SLC16A1: variants seen among roughly 807,000 people sequenced by gnomAD.
SLC16A1 encodes monocarboxylate transporter 1.
SLC16A1 carries 11 observed loss-of-function variants against 32.2 expected under a neutral mutation model. That is an observed-to-expected ratio of 0.34 (90% CI 0.21 to 0.56). SLC16A1 has a LOEUF of 0.56. SLC16A1 is among the 20% of genes least tolerant of loss of function. The probability of loss-of-function intolerance (pLI) is 0.87; values close to 1 mark genes in which losing one functional copy is unlikely to be tolerated. For synonymous variants in SLC16A1, 231 were observed against 226.8 expected, an observed-to-expected ratio of 1.02 and a Z score of -0.17; for missense variants, 435 against 615.0, an observed-to-expected ratio of 0.71 and a Z score of 3.10.
chr1:112,924,026 T>C, intron 2 of SLC16A1: 1 of 1,316,372 alleles, frequency 7.6e-7, no homozygotes, highest in Non-Finnish European at 1.1e-6. Flanking sequence ...TCTTTGGGAC[T>C]CAATGGGCAG....
Position 112,914,146 on chromosome 1 carries a change from A to G in SLC16A1, c.1248T>C (p.Tyr416=), listed in dbSNP as rs770803721. ...CCCAGTATGTGTATTTGTAGTCTCC[A>G]TACATGTCATTGAGCCGACCTAAAT... is the stretch of plus-strand genomic sequence containing the variant. The part of the protein sequence containing the change: ...PPLLGRLNDM[Y]GDYKYTYWAC... Residue 416 remains tyrosine, a synonymous_variant, in exon 5 of 5, where the codon TAT becomes TAC. Coordinates refer to ENST00000369626, the MANE Select transcript of SLC16A1 (RefSeq NM_003051.4). 2 of 1,614,210 alleles carry G rather than the reference A, an allele frequency of 1.2e-6. No individual in the cohort carries two copies. Among genetic ancestry groups the G allele is most frequent in the Non-Finnish European group, 8.5e-7 (1 of 1,180,030 alleles).
intron 1 of SLC16A1, among the ~76,000 whole-genome samples, chr1:112,938,722 T>A (rs766249093): frequency 6.6e-6 from 1 of 152,210 alleles, no homozygotes; most frequent in Non-Finnish European, 1.5e-5. Flanking sequence ...AGAAGGATTT[T>A]AGGCCTATCT....
intron 1 of SLC16A1, among the ~76,000 whole-genome samples, chr1:112,954,096 T>C (rs17030816): frequency 0.012 from 1,898 of 152,308 alleles, 39 homozygotes; most frequent in African/African-American, 0.044. Context: ...CACAACAATC[T>C]GGACTGTTTT....
At chr1:112,939,365 G>C (rs1390243790) in intron 1 of SLC16A1, among the ~76,000 whole-genome samples, 1 of 152,130 alleles carries the variant, frequency 6.6e-6, no homozygotes, top group South Asian at 2.1e-4. Context: ...TGATCTAGCA[G>C]TCATACTTCT....
In SLC16A1 at chr1:112,929,317, T is replaced by C. The variant is rs199553960; in HGVS notation, c.-9A>G. The C allele has an allele frequency of 1.1e-5, 17 of 1,612,092 alleles. No individual in the cohort carries two copies. The East Asian group carries it at 1.8e-4, about 17-fold the overall frequency. ...CCAACTGCTGGTGGCATTTTAAGTG[T>C]AGATAAATTCCAAAATGCAGGTCAA... On this transcript the variant is annotated 5_prime_UTR_variant, in exon 2 of 5. Coordinates refer to ENST00000369626, the MANE Select transcript of SLC16A1 (RefSeq NM_003051.4).
At chr1:112,932,844 AGTT>A (rs1026077660) in intron 1 of SLC16A1, among the ~76,000 whole-genome samples, 22 of 151,678 alleles carry the variant, frequency 1.5e-4, no homozygotes, top group South Asian at 6.2e-4. Context: ...TAATAAATAA[AGTT>A]GTTTTTATTC....
At chr1:112,935,379 A>T (rs768278541) in intron 1 of SLC16A1, among the ~76,000 whole-genome samples, 1 of 152,172 alleles carries the variant, frequency 6.6e-6, no homozygotes, top group Non-Finnish European at 1.5e-5. Flanking sequence ...ACTGTACTAC[A>T]GCCTGGTGAC....
intron 1 of SLC16A1, among the ~76,000 whole-genome samples, chr1:112,941,563 G>A (rs1649514670): frequency 1.3e-5 from 2 of 152,284 alleles, no homozygotes; most frequent in South Asian, 4.2e-4. Context: ...GATTACAGGT[G>A]TGAGCCACCA....
chr1:112,943,562 T>TG (rs1649585730), intron 1 of SLC16A1, among the ~76,000 whole-genome samples: 2 of 151,044 alleles, frequency 1.3e-5, no homozygotes, highest in Admixed American at 1.3e-4. Context: ...TCAAGGCGGG[T>TG]GGATCACCTG....
Position 112,956,195 on chromosome 1 carries a change from T to A in SLC16A1, c.-205A>T, listed in dbSNP as rs1384780240. ...CCAGTCACGTCGCAGCTCACCACTT[T>A]GTCTGGCCGGGCCAGCGAGGCTGCC... is the stretch of plus-strand genomic sequence containing the variant. On this transcript the variant is annotated 5_prime_UTR_variant, in exon 1 of 5. Transcript: ENST00000369626. 1 of 151,830 alleles carries A rather than the reference T, an allele frequency of 6.6e-6. No individual in the cohort carries two copies. Among genetic ancestry groups the A allele is most frequent in the African/African-American group, 2.4e-5 (1 of 41,380 alleles). The allele number at this position is 151,830 out of a possible 1,614,324, so 9.4% of individuals were successfully genotyped here. A position where few individuals can be genotyped will look rare whatever the true frequency, so the allele number is the denominator to read the frequency against.
chr1:112,920,215 G>A (rs1042486387), intron 3 of SLC16A1, among the ~76,000 whole-genome samples: 2 of 152,248 alleles, frequency 1.3e-5, no homozygotes, highest in Admixed American at 6.5e-5. Context: ...GCTCATGCCT[G>A]TAATTCCAGC....
At position 112,929,265 on chromosome 1, in the gene SLC16A1, T is replaced by A. The variant is rs1363964558; in HGVS notation, c.44A>T (p.Asp15Val). The stretch of plus-strand genomic sequence containing the variant: ...TACCACTGCCCAGCCCCAGCCTCCA[T>A]CTGGGGGGGTGTATCCAACTGGACC... Reference protein sequence around the residue: ...VGGPVGYTPPDGGWGWAVVIG... With the variant: ...VGGPVGYTPPVGGWGWAVVIG... Residue 15 changes from aspartate to valine, a missense_variant, in exon 2 of 5, where the codon GAT (aspartate) becomes GTT (valine). Coordinates refer to ENST00000369626, the MANE Select transcript of SLC16A1 (RefSeq NM_003051.4). The A allele has an allele frequency of 3.1e-6, 5 of 1,613,996 alleles. No individual in the cohort carries two copies. Among genetic ancestry groups the A allele is most frequent in the Non-Finnish European group, 4.2e-6 (5 of 1,180,024 alleles).
At chr1:112,953,103 T>C (rs1649955082) in intron 1 of SLC16A1, among the ~76,000 whole-genome samples, 2 of 151,638 alleles carry the variant, frequency 1.3e-5, no homozygotes, top group East Asian at 1.9e-4. Context: ...CAAAGTGATG[T>C]TCCTAAAACA....
intron 1 of SLC16A1, among the ~76,000 whole-genome samples, chr1:112,946,910 CA>C (rs1649721789): frequency 6.6e-6 from 1 of 152,130 alleles, no homozygotes; most frequent in Non-Finnish European, 1.5e-5. Context: ...ATTACACCAG[CA>C]AATTTTGCCT....
chr1:112,925,586 C>T (rs897403080), intron 2 of SLC16A1, among the ~76,000 whole-genome samples: 4 of 151,664 alleles, frequency 2.6e-5, no homozygotes, highest in African/African-American at 9.7e-5. Flanking sequence ...ACCATGTTGC[C>T]CAGGTTGGTC....
rs55675593 is a variant in SLC16A1, at chr1:112,919,011, TTTTATTTATTTA to T, written c.362-979_362-968del. Among the ~76,000 whole-genome samples, 21 of 144,292 alleles carry T rather than the reference TTTTATTTATTTA, an allele frequency of 1.5e-4. No individual in the cohort carries two copies. The East Asian group carries it at 2.0e-3, about 14-fold the overall frequency. 94.7% of individuals were successfully genotyped at this position (144,292 alleles called of 152,430 possible). The stretch of plus-strand genomic sequence containing the variant: ...CTCCTGAAATGAATGTACTAATTTA[TTTTATTTATTTA>T]TTTATTTATTTATTTATTTATTTTT... On this transcript the variant is annotated intron_variant, in intron 3 of 4. Coordinates refer to ENST00000369626, the MANE Select transcript of SLC16A1 (RefSeq NM_003051.4).
At chr1:112,931,526 G>A (rs995605741) in intron 1 of SLC16A1, among the ~76,000 whole-genome samples, 19 of 150,940 alleles carry the variant, frequency 1.3e-4, no homozygotes, top group African/African-American at 4.4e-4. Context: ...TGCGACTGTA[G>A]TCCCAACTAC....
At chr1:112,926,272 C>T (rs972758465) in intron 2 of SLC16A1, among the ~76,000 whole-genome samples, 2 of 152,112 alleles carry the variant, frequency 1.3e-5, no homozygotes, top group Non-Finnish European at 2.9e-5. Context: ...TTCATAGGAC[C>T]AAGTCTCTCT....
intron 2 of SLC16A1, among the ~76,000 whole-genome samples, chr1:112,922,843 G>A (rs1028439761): frequency 6.6e-6 from 1 of 152,136 alleles, no homozygotes; most frequent in African/African-American, 2.4e-5. Context: ...TCAGACACAC[G>A]CAGTGATAGG....
Sources: allele counts gnomAD v4.1 joint callset (sites outside exome capture counted in the v4.1 genomes callset), GRCh38; gene constraint gnomAD v4.1.1; transcripts MANE v1.5; gene names NCBI Gene and HGNC (gene_info 2026-07-23, HGNC 2026-07-21).